The following HMGCLL1 variants were observed in gnomAD, a reference collection of about 807,000 sequenced individuals.
HMGCLL1 encodes 3-hydroxy-3-methylglutaryl-CoA lyase like 1.
Under a neutral mutation model 39.1 loss-of-function variants are expected in HMGCLL1, and 36 were observed. That is an observed-to-expected ratio of 0.92 (90% CI 0.71 to 1.22). HMGCLL1 has a LOEUF of 1.22. Among genes scored for constraint, HMGCLL1 ranks in the 50% most tolerant of loss-of-function variants. The probability of loss-of-function intolerance (pLI) is 0.00; values close to 1 mark genes in which losing one functional copy is unlikely to be tolerated. For synonymous variants in HMGCLL1, 149 were observed against 144.0 expected, an observed-to-expected ratio of 1.03 and a Z score of -0.25; for missense variants, 451 against 416.5, an observed-to-expected ratio of 1.08 and a Z score of -0.72.
chr6:55,603,468 C>CTCAG, the HMGCLL1 span, among the ~76,000 whole-genome samples: 1 of 49,590 alleles, frequency 2.0e-5, no homozygotes, highest in African/African-American at 5.2e-5. Context: ...GTTCTCATTG[C>CTCAG]TCAGGGAGAA....
chr6:55,595,420 T>C, the HMGCLL1 span, among the ~76,000 whole-genome samples: 1 of 152,212 alleles, frequency 6.6e-6, no homozygotes, highest in Non-Finnish European at 1.5e-5. Context: ...AGGTGACATA[T>C]ATTTATTACA....
intron 1 of HMGCLL1, among the ~76,000 whole-genome samples, chr6:55,559,185 A>T (rs2127469493): frequency 6.6e-6 from 1 of 152,334 alleles, no homozygotes; most frequent in Middle Eastern, 3.4e-3. Flanking sequence ...CGCCAAAAAA[A>T]GTCCACGAAA....
chr6:55,559,028 C>T (rs1770809670), intron 1 of HMGCLL1, among the ~76,000 whole-genome samples: 1 of 152,140 alleles, frequency 6.6e-6, no homozygotes, highest in African/African-American at 2.4e-5. Context: ...AACCCTAAGA[C>T]ACATTTTAGC....
intron 3 of HMGCLL1, among the ~76,000 whole-genome samples, chr6:55,523,941 A>G (rs1455485982): frequency 6.6e-6 from 1 of 151,984 alleles, no homozygotes; most frequent in Non-Finnish European, 1.5e-5. Context: ...TAACAATTAT[A>G]CTGTGCATGT....
chr6:55,528,360 C>CAAATGT, intron 3 of HMGCLL1, among the ~76,000 whole-genome samples: 1 of 152,032 alleles, frequency 6.6e-6, no homozygotes, highest in East Asian at 1.9e-4. Flanking sequence ...AGCAGTAACT[C>CAAATGT]CTCTTAAAGG....
intron 7 of HMGCLL1, among the ~76,000 whole-genome samples, chr6:55,468,932 G>C (rs762776268): frequency 2.8e-5 from 4 of 141,792 alleles, no homozygotes; most frequent in African/African-American, 1.2e-4. Flanking sequence ...TATTTGACTA[G>C]AGACTACAAA....
chr6:55,453,327 C>T (rs1349118216), intron 7 of HMGCLL1, among the ~76,000 whole-genome samples: 1 of 152,134 alleles, frequency 6.6e-6, no homozygotes, highest in Non-Finnish European at 1.5e-5. Flanking sequence ...TACAGGCGCC[C>T]GCCACCACGT....
chr6:55,439,605 G>A lies in HMGCLL1; in HGVS notation c.796-46C>T, dbSNP rs190452712. ...CCTAAAGCTTGTGTGTTTATGGCATGTAAATTGTTGCATTTCTATTTAACC... is the reference window on the plus strand; with the variant it reads ...CCTAAAGCTTGTGTGTTTATGGCATATAAATTGTTGCATTTCTATTTAACC... On this transcript the variant is annotated intron_variant, in intron 7 of 8. Coordinates refer to ENST00000274901, the MANE Select transcript of HMGCLL1 (RefSeq NM_001042406.2). 5 of 1,582,566 alleles carry A rather than the reference G, an allele frequency of 3.2e-6. No homozygotes were observed. The East Asian group carries it at 1.1e-4, about 36-fold the overall frequency.
At chr6:55,612,224 T>G in the HMGCLL1 span, among the ~76,000 whole-genome samples, 1 of 151,956 alleles carries the variant, frequency 6.6e-6, no homozygotes, top group Non-Finnish European at 1.5e-5. Flanking sequence ...ATAAAATACC[T>G]AGATACAGCT....
Position 55,499,262 on chromosome 6 carries a change from T to G in HMGCLL1, c.580A>C (p.Ser194Arg). 6.2e-7 allele frequency: 1 copy of G among 1,610,742 alleles called. No individual in the cohort carries two copies. Among genetic ancestry groups the G allele is most frequent in the Non-Finnish European group, 8.5e-7 (1 of 1,178,230 alleles). ...TCTGTCACTTTTTGCGGTGTAATAC[T>G]TCCTTCATATGGACAGCCCAGAGCA... ...SCALGCPYEG[S>R]ITPQKVTEVS... Residue 194 changes from serine (S) to arginine (R), a missense_variant, in exon 6 of 9, where the codon AGT becomes CGT. Transcript: ENST00000274901.
In HMGCLL1 at chr6:55,495,299, T is replaced by C. The variant is rs539876448; in HGVS notation, c.795+120A>G. ...AGTGCCTGTCATGTACAGACACTGGTTAAAATTAGATTCATAACATTTTAT... is the reference window on the plus strand; with the variant it reads ...AGTGCCTGTCATGTACAGACACTGGCTAAAATTAGATTCATAACATTTTAT... On this transcript the variant is annotated intron_variant, in intron 7 of 8. Coordinates refer to ENST00000274901, the MANE Select transcript of HMGCLL1 (RefSeq NM_001042406.2). The C allele has an allele frequency of 3.7e-6, 3 of 813,278 alleles. No homozygotes were observed. In the South Asian group the frequency reaches 6.3e-5, roughly 17 times the overall value. 50.4% of individuals were successfully genotyped at this position (813,278 alleles called of 1,614,324 possible). A position where few individuals can be genotyped will look rare whatever the true frequency, so the allele number is the denominator to read the frequency against.
intron 7 of HMGCLL1, among the ~76,000 whole-genome samples, chr6:55,486,219 A>AT (rs1045036933): frequency 1.3e-5 from 2 of 151,220 alleles, no homozygotes; most frequent in Non-Finnish European, 1.5e-5. Context: ...ATTTTTTGTG[A>AT]TTTTCCATAT....
chr6:55,665,921 C>A, the HMGCLL1 span, among the ~76,000 whole-genome samples: 1 of 151,614 alleles, frequency 6.6e-6, no homozygotes, highest in African/African-American at 2.4e-5. Flanking sequence ...TAAAGTTGGG[C>A]AAATTGATAA....
chr6:55,520,228 C>T (rs150788487), intron 3 of HMGCLL1, among the ~76,000 whole-genome samples: 2,363 of 142,734 alleles, frequency 0.017, 29 homozygotes, highest in Non-Finnish European at 0.025. Flanking sequence ...CACATGTACC[C>T]CAGATCTTAA....
At chr6:55,564,919 T>G (rs1771141459) in intron 1 of HMGCLL1, among the ~76,000 whole-genome samples, 1 of 151,738 alleles carries the variant, frequency 6.6e-6, no homozygotes, top group African/African-American at 2.4e-5. Context: ...TTCATTCAGG[T>G]TTTTCCACCT....
At chr6:55,482,609 G>T (rs1236186617) in intron 7 of HMGCLL1, among the ~76,000 whole-genome samples, 1 of 152,036 alleles carries the variant, frequency 6.6e-6, no homozygotes, top group East Asian at 1.9e-4. Flanking sequence ...ACCTTCAACT[G>T]AAAGTCATGG....
the HMGCLL1 span, among the ~76,000 whole-genome samples, chr6:55,618,200 C>T: frequency 8.6e-5 from 13 of 151,848 alleles, no homozygotes; most frequent in African/African-American, 2.7e-4. Flanking sequence ...ATACTGGAAA[C>T]GTCTGGGGTC....
chr6:55,579,203 G>A (rs116063130), upstream of HMGCLL1: 696 of 642,806 alleles, frequency 1.1e-3, 3 homozygotes, highest in African/African-American at 0.011. Context: ...GCACTGCGGC[G>A]GCGCCGAGAG....
In HMGCLL1 at chr6:55,496,133, T is replaced by A. The variant is rs9370431; in HGVS notation, c.607-526A>T. 4.6e-5 allele frequency among the ~76,000 whole-genome samples: 7 copies of A among 152,212 alleles called. No homozygotes were observed. In the East Asian group the frequency reaches 5.8e-4, roughly 13 times the overall value. On this transcript the variant is annotated intron_variant, in intron 6 of 8. Transcript: ENST00000274901. Reference sequence around the variant, plus strand: ...ATGGATCCACTTGTACGTGATTTTTTAAAAAATAACTATATTAAATTTTTT... The same window carrying A: ...ATGGATCCACTTGTACGTGATTTTTAAAAAAATAACTATATTAAATTTTTT...
Sources: gnomAD v4.1 joint callset for allele counts (sites outside exome capture counted in the v4.1 genomes callset) on GRCh38, gnomAD v4.1.1 for gene constraint, MANE v1.5 for transcripts, NCBI Gene and HGNC (gene_info 2026-07-23, HGNC 2026-07-21) for gene names.